TIGD6: variants seen among roughly 807,000 people sequenced by gnomAD.
The protein encoded by TIGD6 is tigger transposable element derived 6.
Under a neutral mutation model 2.6 loss-of-function variants are expected in TIGD6, and 1 was observed. The observed-to-expected ratio is 0.39, with a 90% CI of 0.14 to 1.85. The LOEUF is 1.85. Ranked by LOEUF, TIGD6 falls within the 40% of genes most tolerant of loss-of-function variation. TIGD6 has a pLI of 0.32. For synonymous variants in TIGD6, 193 were observed against 221.9 expected (o/e 0.87, Z 1.16); for missense variants, 601 against 634.2 (o/e 0.95, Z 0.56).
At position 149,994,567 on chromosome 5, in the gene TIGD6, A is replaced by C; in HGVS notation, c.*216T>G. ...AGACAAGTTTGGAAACCCTTGGATG[A>C]ATCAAAATACATCTTGAATCAAGGA... On this transcript the variant is annotated 3_prime_UTR_variant, in exon 2 of 2. Coordinates refer to ENST00000296736, the MANE Select transcript of TIGD6 (RefSeq NM_030953.4). 2.4e-6 allele frequency: 1 copy of C among 409,366 alleles called. No homozygotes were observed. The highest frequency in any genetic ancestry group is 4.2e-6 in the Non-Finnish European group (1 of 237,372). The allele number at this position is 409,366 out of a possible 1,614,324, so 25.4% of individuals were successfully genotyped here.
intron 1 of TIGD6, among the ~76,000 whole-genome samples, chr5:149,997,482 G>C (rs1309563507): frequency 6.6e-6 from 1 of 151,818 alleles, no homozygotes; most frequent in Non-Finnish European, 1.5e-5. Flanking sequence ...AGGTTGCAGT[G>C]AGCTGAGATC....
At position 149,994,770 on chromosome 5, in the gene TIGD6, ATAAAT is replaced by A; in HGVS notation, c.*8_*12del. The A allele has an allele frequency of 6.7e-7, 1 of 1,503,318 alleles. No homozygotes were observed. Among genetic ancestry groups the A allele is most frequent in the Non-Finnish European group, 8.9e-7 (1 of 1,127,128 alleles). The allele number at this position is 1,503,318 out of a possible 1,614,324, so 93.1% of individuals were successfully genotyped here. On this transcript the variant is annotated 3_prime_UTR_variant, in exon 2 of 2. Transcript: ENST00000296736. ...ATTCTTGTAAACTACATTTTCTGAA[ATAAAT>A]TCCTGCATTATTTTGTTTGGAGGAA...
chr5:149,996,125 T>C lies in TIGD6; in HGVS notation c.224A>G (p.Tyr75Cys). The C allele has an allele frequency of 6.2e-7, 1 of 1,613,898 alleles. No individual in the cohort carries two copies. Among genetic ancestry groups the C allele is most frequent in the African/African-American group, 1.3e-5 (1 of 74,746 alleles). Residue 75 changes from tyrosine to cysteine, a missense_variant, in exon 2 of 2, where the codon TAT (tyrosine) becomes TGT (cysteine). Transcript: ENST00000296736. ...AAAAACAGCCTTATCAATGTCATCA[T>C]AAAGAGCGCTCCTCATCCTTTTCCG... is the stretch of plus-strand genomic sequence containing the variant. Reference protein sequence around the residue: ...PQRKRMRSALYDDIDKAVFAW... With the variant: ...PQRKRMRSALCDDIDKAVFAW...
chr5:149,998,989 A>G (rs780258222), intron 1 of TIGD6, among the ~76,000 whole-genome samples: 41 of 152,334 alleles, frequency 2.7e-4, no homozygotes, highest in Middle Eastern at 3.4e-3. Context: ...GTGGGCCTTA[A>G]AGAATAAACA....
rs757198096 is a variant in TIGD6, at chr5:149,996,227, G to A, written c.122C>T (p.Pro41Leu). The A allele has an allele frequency of 5.0e-6, 8 of 1,614,018 alleles. No individual in the cohort carries two copies. The highest frequency in any genetic ancestry group is 4.4e-5 in the South Asian group (4 of 91,076). ...CTTTAAGAATGTAGATAAAGTAGAG[G>A]GAGTGATACCAAATTCTTTTGCCAC... ...GDVAKEFGITPSTLSTFLKDR... is the reference protein window; with the variant it reads ...GDVAKEFGITLSTLSTFLKDR... The change falls in exon 2 of 2, where the codon CCC (proline) becomes CTC (leucine). Residue 41 changes from proline to leucine, a missense_variant. Physicochemically the swap from Pro to Leu is moderately conservative, Grantham distance 98. Transcript: ENST00000296736.
intron 1 of TIGD6, chr5:150,000,094 T>G (rs1316574864): frequency 6.5e-6 from 1 of 154,528 alleles, no homozygotes; most frequent in Non-Finnish European, 1.5e-5. Context: ...GTGCGGGAAC[T>G]TGTACAAATG....
At position 149,996,102 on chromosome 5, in the gene TIGD6, A is replaced by C. The variant is rs762525553; in HGVS notation, c.247T>G (p.Phe83Val). The change falls in exon 2 of 2, where the codon TTT (phenylalanine) becomes GTT (valine). Residue 83 changes from phenylalanine (F) to valine (V), a missense_variant. By Grantham distance (50) the Phe-to-Val change is conservative. Transcript: ENST00000296736. ...GCATGGATTTCTTGAAACCAAGCAA[A>C]AACAGCCTTATCAATGTCATCATAA... ...ALYDDIDKAVFAWFQEIHAKN... is the reference protein window; with the variant it reads ...ALYDDIDKAVVAWFQEIHAKN... 2 of 1,614,162 alleles carry C rather than the reference A, an allele frequency of 1.2e-6. No homozygotes were observed. Among genetic ancestry groups the C allele is most frequent in the East Asian group, 4.5e-5 (2 of 44,892 alleles).
Position 149,996,026 on chromosome 5 carries a change from A to C in TIGD6, c.323T>G (p.Leu108Trp), listed in dbSNP as rs753237993. 1 of 1,611,586 alleles carries C rather than the reference A, an allele frequency of 6.2e-7. No individual in the cohort carries two copies. The highest frequency in any genetic ancestry group is 1.3e-5 in the African/African-American group (1 of 74,914). Residue 108 changes from leucine to tryptophan, a missense_variant, in exon 2 of 2, where the codon TTG (leucine) becomes TGG (tryptophan). By Grantham distance (61) the Leu-to-Trp change is moderately conservative (BLOSUM62 -2). Transcript: ENST00000296736. ...ATTGTCATAGCCAAGCATGTTGGCCAAGTTTAGTGCTTTTTTCCGAATGAC... is the reference window on the plus strand; with the variant it reads ...ATTGTCATAGCCAAGCATGTTGGCCCAGTTTAGTGCTTTTTTCCGAATGAC... ...GSVIRKKALN[L>W]ANMLGYDNFQ... is the part of the protein sequence containing the mutation.
chr5:150,000,305 A>G (rs1321923327), intron 1 of TIGD6, 169 bp downstream of exon 1: 3 of 153,686 alleles, frequency 2.0e-5, no homozygotes, highest in Admixed American at 6.5e-5. Context: ...GGCACTACGT[A>G]TGAACCCGAT....
rs10875553 is a variant in TIGD6, at chr5:149,995,369, T to C, written c.980A>G (p.Gln327Arg). The C allele has an allele frequency of 0.77, 1,245,932 of 1,613,984 alleles. 484,309 individuals carry two copies. The highest frequency in any genetic ancestry group is 0.8 in the Non-Finnish European group (938,534 of 1,180,000). Residue 327 changes from glutamine to arginine, a missense_variant, in exon 2 of 2, where the codon CAG (glutamine) becomes CGG (arginine). Gln to Arg is a conservative substitution (Grantham distance 43). Transcript: ENST00000296736. ...GIIHTMKVLY[Q>R]SHLLKQILLK... ...GAGGATCTGTTTTAGAAGGTGGCTC[T>C]GGTACAGTACTTTCATGGTGTGAAT...
intron 1 of TIGD6, among the ~76,000 whole-genome samples, chr5:149,998,880 A>G (rs1755463717): frequency 6.6e-6 from 1 of 152,234 alleles, no homozygotes; most frequent in Admixed American, 6.5e-5. Context: ...TGTGAAAACT[A>G]AATCAGAGGT....
intron 1 of TIGD6, among the ~76,000 whole-genome samples, chr5:149,997,395 G>A (rs913076807): frequency 2.0e-5 from 3 of 152,102 alleles, no homozygotes; most frequent in South Asian, 2.1e-4. Flanking sequence ...AAAATTAGCC[G>A]GGCGTGGTGG....
intron 1 of TIGD6, chr5:150,000,030 T>C (rs907215085): frequency 5.8e-5 from 9 of 154,438 alleles, no homozygotes; most frequent in South Asian, 2.0e-4. Flanking sequence ...GGCTAGAAGG[T>C]TGGTGATGGC....
At position 149,994,954 on chromosome 5, in the gene TIGD6, G is replaced by C. The variant is rs779531027; in HGVS notation, c.1395C>G (p.Thr465=). The change falls in exon 2 of 2, where the codon ACC becomes ACG. Residue 465 remains threonine (T), a synonymous_variant. Coordinates refer to ENST00000296736, the MANE Select transcript of TIGD6 (RefSeq NM_030953.4). The part of the protein sequence containing the change: ...EVSLPEQPKV[T]ITEAISSVQK... ...GTACACTTGATATGGCTTCTGTGAT[G>C]GTGACTTTTGGTTGCTCTGGTAAAG... 6.2e-7 allele frequency: 1 copy of C among 1,612,704 alleles called. No homozygotes were observed.
chr5:149,995,650 G>T lies in TIGD6; in HGVS notation c.699C>A (p.Ala233=). 6.2e-7 allele frequency: 1 copy of T among 1,614,226 alleles called. No homozygotes were observed. The highest frequency in any genetic ancestry group is 8.5e-7 in the Non-Finnish European group (1 of 1,180,040). Reference sequence around the variant, plus strand: ...GAATGTTCTTGAGGCAGTGTGGGCTGGCTGACCTACCAACAATCAATGGTC... The same window carrying T: ...GAATGTTCTTGAGGCAGTGTGGGCTTGCTGACCTACCAACAATCAATGGTC... The part of the protein sequence containing the change: ...KMRPLIVGRS[A]SPHCLKNIHS... Residue 233 remains alanine (A), a synonymous_variant, in exon 2 of 2, where the codon GCC becomes GCA. Transcript: ENST00000296736.
At position 149,993,758 on chromosome 5, in the gene TIGD6, T is replaced by A. The variant is rs1416281386; in HGVS notation, c.*1025A>T. The A allele has an allele frequency of 6.6e-6, 1 of 152,226 alleles. No homozygotes were observed. The highest frequency in any genetic ancestry group is 1.5e-5 in the Non-Finnish European group (1 of 68,064). 9.4% of individuals were successfully genotyped at this position (152,226 alleles called of 1,614,324 possible). ...AGATCCCTATTAGTGAAATGCCTATTAAAACATTTCGTAAGGCCAGCATGG... is the reference window on the plus strand; with the variant it reads ...AGATCCCTATTAGTGAAATGCCTATAAAAACATTTCGTAAGGCCAGCATGG... On this transcript the variant is annotated 3_prime_UTR_variant, in exon 2 of 2. Transcript: ENST00000296736.
intron 1 of TIGD6, chr5:150,000,213 T>G (rs955095018): frequency 1.3e-5 from 2 of 154,424 alleles, no homozygotes; most frequent in African/African-American, 4.8e-5. Context: ...CTCCAGGAAC[T>G]CACTACCATC....
intron 1 of TIGD6, among the ~76,000 whole-genome samples, chr5:149,997,605 G>T (rs1441940779): frequency 6.6e-6 from 1 of 151,914 alleles, no homozygotes; most frequent in Non-Finnish European, 1.5e-5. Context: ...GGTATTCAGG[G>T]AACTGAAATA....
chr5:149,993,134 CATATT>C lies in TIGD6; in HGVS notation c.*1644_*1648del, dbSNP rs1203983535. The C allele has an allele frequency of 2.0e-5, 3 of 152,056 alleles. No homozygotes were observed. Among genetic ancestry groups the C allele is most frequent in the Non-Finnish European group, 4.4e-5 (3 of 68,012 alleles). 9.4% of individuals were successfully genotyped at this position (152,056 alleles called of 1,614,324 possible). A position where few individuals can be genotyped will look rare whatever the true frequency, so the allele number is the denominator to read the frequency against. The stretch of plus-strand genomic sequence containing the variant: ...GTACAGTACTTTTAATTCAAATGAT[CATATT>C]AGTTTATTAAAAGAAAAAATATCCA... On this transcript the variant is annotated 3_prime_UTR_variant, in exon 2 of 2. Transcript: ENST00000296736.
Sources: gnomAD v4.1 joint callset for allele counts (sites outside exome capture counted in the v4.1 genomes callset) on GRCh38, gnomAD v4.1.1 for gene constraint, MANE v1.5 for transcripts, NCBI Gene and HGNC (gene_info 2026-07-23, HGNC 2026-07-21) for gene names.